The following DISP1 variants were observed in gnomAD, a reference collection of about 807,000 sequenced individuals.
DISP1 encodes the protein protein dispatched homolog 1.
Under a neutral mutation model 37.3 loss-of-function variants are expected in DISP1, and 30 were observed. That is an observed-to-expected ratio of 0.80 (90% CI 0.60 to 1.09). DISP1 has a LOEUF of 1.09. Among genes scored for constraint, DISP1 ranks in the 50% least tolerant of loss-of-function variants. The probability of loss-of-function intolerance (pLI) is 0.00; values close to 1 mark genes in which losing one functional copy is unlikely to be tolerated. For missense variants in DISP1, 1,598 were observed against 1,879.5 expected, an observed-to-expected ratio of 0.85 and a Z score of 2.77; for synonymous variants, 634 against 690.2, an observed-to-expected ratio of 0.92 and a Z score of 1.28.
At chr1:222,957,458 G>A (rs1447559203) in intron 3 of DISP1, among the ~76,000 whole-genome samples, 2 of 152,046 alleles carry the variant, frequency 1.3e-5, no homozygotes, top group African/African-American at 2.4e-5. Context: ...GCGCAGTGGT[G>A]GACACCTGTA....
intron 3 of DISP1, among the ~76,000 whole-genome samples, chr1:222,961,962 C>T (rs1296672229): frequency 4.6e-5 from 7 of 151,820 alleles, no homozygotes; most frequent in African/African-American, 1.7e-4. Flanking sequence ...GCTGAGATCA[C>T]GCCACTGCAC....
In DISP1 at chr1:222,819,525, C is replaced by A. The variant is rs546659408; in HGVS notation, c.-159+4447C>A. Among the ~76,000 whole-genome samples, 9 of 138,620 alleles carry A rather than the reference C, an allele frequency of 6.5e-5. No homozygotes were observed. In the East Asian group the frequency reaches 2.0e-3, roughly 30 times the overall value. The allele number at this position is 138,620 out of a possible 152,430, so 90.9% of individuals were successfully genotyped here. ...AATATGTTATATACATACACACACA[C>A]ACACACACATATCTTTTTTTTTTTT... On this transcript the variant is annotated intron_variant, in intron 1 of 8. Transcript: ENST00000675850.
Position 222,986,617 on chromosome 1 carries a change from C to G in DISP1, c.539+3508C>G, listed in dbSNP as rs147066440. Among the ~76,000 whole-genome samples the G allele has an allele frequency of 9.6e-4, 146 of 152,288 alleles. 1 individual carries two copies. Among genetic ancestry groups the G allele is most frequent in the African/African-American group, 3.4e-3 (143 of 41,586 alleles). ...TGCCTGCTAACTCAGATCCATGGTT[C>G]ATCCACGAACGCATTTCATTACCTC... On this transcript the variant is annotated intron_variant, in intron 4 of 8. Coordinates refer to ENST00000675850, the MANE Select transcript of DISP1 (RefSeq NM_001377229.1).
At chr1:222,945,375 A>G (rs1391321769) in intron 3 of DISP1, among the ~76,000 whole-genome samples, 2 of 152,234 alleles carry the variant, frequency 1.3e-5, no homozygotes, top group South Asian at 4.1e-4. Context: ...AACTGTGTGA[A>G]CAGTTGATTA....
chr1:222,881,964 A>G (rs1474665899), intron 1 of DISP1, among the ~76,000 whole-genome samples: 1 of 152,258 alleles, frequency 6.6e-6, no homozygotes, highest in Admixed American at 6.5e-5. Flanking sequence ...GAATCGAAAC[A>G]TTTAAAAAAG....
chr1:222,948,743 A>T (rs1233618447), intron 3 of DISP1, among the ~76,000 whole-genome samples: 1 of 152,210 alleles, frequency 6.6e-6, no homozygotes, highest in African/African-American at 2.4e-5. Flanking sequence ...AGGATGTGTT[A>T]AACATTGACC....
chr1:222,819,643 G>A (rs540413746), intron 1 of DISP1, among the ~76,000 whole-genome samples: 12 of 149,080 alleles, frequency 8.0e-5, no homozygotes, highest in African/African-American at 3.0e-4. Flanking sequence ...GGGTTCAAAC[G>A]ATGCTCCTGC....
rs1346203942 is a variant in DISP1, at chr1:223,004,162, CA to C, written c.2766del (p.Val923TrpfsTer3). The stretch of plus-strand genomic sequence containing the variant: ...TTTGATATCAATGATACTATCAGGG[CA>C]GTGGTGTTAGAGTTCCAGAGTACCT... ...PRFDINDTIRAVVLEFQSTYL... is the reference protein window; with the variant it reads ...PRFDINDTIRXVVLEFQSTYL... On this transcript the variant is annotated frameshift_variant, in exon 9 of 9. Transcript: ENST00000675850. LOFTEE classifies it low-confidence loss of function (END_TRUNC). The surrounding 1 kb of genome is among the most constrained non-coding windows in gnomAD (Gnocchi z 4.9). 2 of 1,614,008 alleles carry C rather than the reference CA, an allele frequency of 1.2e-6. No homozygotes were observed. The highest frequency in any genetic ancestry group is 1.3e-5 in the African/African-American group (1 of 74,908).
intron 3 of DISP1, among the ~76,000 whole-genome samples, chr1:222,954,048 G>T (rs1675422918): frequency 6.6e-6 from 1 of 151,374 alleles, no homozygotes; most frequent in African/African-American, 2.4e-5. Flanking sequence ...GAGAGTAAAG[G>T]GGAAAAAAAG....
At chr1:222,985,057 GAGAA>G (rs1041266060) in intron 4 of DISP1, among the ~76,000 whole-genome samples, 1 of 152,100 alleles carries the variant, frequency 6.6e-6, no homozygotes, top group South Asian at 2.1e-4. Context: ...AAAAACAAGA[GAGAA>G]AGAAAAAATG....
intron 1 of DISP1, among the ~76,000 whole-genome samples, chr1:222,827,824 A>T (rs1292087873): frequency 6.6e-6 from 1 of 152,186 alleles, no homozygotes; most frequent in Admixed American, 6.5e-5. Flanking sequence ...TAAACTTGAG[A>T]TACTACATAT....
rs139812246 is a variant in DISP1 at position 222,832,069 on chromosome 1, C to A, written c.-159+16991C>A. On this transcript the variant is annotated intron_variant, in intron 1 of 8. Coordinates refer to ENST00000675850, the MANE Select transcript of DISP1 (RefSeq NM_001377229.1). ...TCGAGGTGAGTGGATTACTTGAGGT[C>A]AGGAGTTAAAAACCAGCCTGGCCAA... Among the ~76,000 whole-genome samples the A allele has an allele frequency of 5.2e-3, 791 of 152,034 alleles. 6 individuals carry two copies. Among genetic ancestry groups the A allele is most frequent in the Non-Finnish European group, 9.4e-3 (642 of 67,978 alleles).
chr1:222,930,954 C>T (rs1673352526), intron 2 of DISP1, among the ~76,000 whole-genome samples: 1 of 151,924 alleles, frequency 6.6e-6, no homozygotes, highest in Non-Finnish European at 1.5e-5. Context: ...CTAAAGGATA[C>T]TCATAGGACA....
intron 1 of DISP1, among the ~76,000 whole-genome samples, chr1:222,896,140 G>A (rs948157506): frequency 2.0e-5 from 3 of 151,734 alleles, no homozygotes; most frequent in Admixed American, 6.6e-5. Flanking sequence ...GGGAGACACC[G>A]TCTCTACAAA....
chr1:222,885,476 T>C (rs893307656), intron 1 of DISP1, among the ~76,000 whole-genome samples: 1 of 150,810 alleles, frequency 6.6e-6, no homozygotes, highest in Non-Finnish European at 1.5e-5. Flanking sequence ...TTTCTTTTTT[T>C]TTTTTTTTTT....
intron 1 of DISP1, among the ~76,000 whole-genome samples, chr1:222,896,495 G>A (rs551115898): frequency 2.0e-5 from 3 of 152,020 alleles, no homozygotes; most frequent in South Asian, 2.1e-4. Flanking sequence ...CAGCTACTCC[G>A]GAGGCTGAGG....
chr1:222,816,390 A>G (rs1661260284), intron 1 of DISP1, among the ~76,000 whole-genome samples: 1 of 152,200 alleles, frequency 6.6e-6, no homozygotes, highest in South Asian at 2.1e-4. Context: ...GATTTTTGCC[A>G]CAAAGTGAGC....
At position 222,893,502 on chromosome 1, in the gene DISP1, G is replaced by A. The variant is rs570631203; in HGVS notation, c.-158-34928G>A. Among the ~76,000 whole-genome samples, 2 of 152,240 alleles carry A rather than the reference G, an allele frequency of 1.3e-5. No individual in the cohort carries two copies. Among genetic ancestry groups the A allele is most frequent in the African/African-American group, 2.4e-5 (1 of 41,466 alleles). On this transcript the variant is annotated intron_variant, in intron 1 of 8. Coordinates refer to ENST00000675850, the MANE Select transcript of DISP1 (RefSeq NM_001377229.1). The surrounding 1 kb of genome is among the most constrained non-coding windows in gnomAD (Gnocchi z 4.3). ...ATGGAGCGGTGAGGGCTGTGTGGGC[G>A]AGTGAGTGTGAGGTCTGGCTGCTGT...
At chr1:222,879,584 T>G (rs922387480) in intron 1 of DISP1, among the ~76,000 whole-genome samples, 2 of 152,184 alleles carry the variant, frequency 1.3e-5, no homozygotes. Context: ...AGAATATCTT[T>G]TAATCTTTGT....
Sources: gnomAD v4.1 joint callset for allele counts (sites outside exome capture counted in the v4.1 genomes callset) on GRCh38, gnomAD v4.1.1 for gene constraint, Gnocchi (gnomAD v3.1) non-coding constraint, MANE v1.5 for transcripts, NCBI Gene and HGNC (gene_info 2026-07-23, HGNC 2026-07-21) for gene names.